The following ELK3 variants were observed in gnomAD, a reference collection of about 807,000 sequenced individuals.
ELK3 encodes ETS transcription factor ELK3, also known as ETS domain-containing protein Elk-3.
In ELK3, 10 loss-of-function variants were observed where a neutral mutation model predicts 28.9. The ratio of observed to expected loss-of-function variants is 0.35; its 90% confidence interval spans 0.21 to 0.59. The LOEUF (loss-of-function observed/expected upper bound fraction) is 0.59. Among genes scored for constraint, ELK3 ranks in the 20% least tolerant of loss-of-function variants. ELK3 has a pLI of 0.82. For missense variants in ELK3, 463 were observed against 517.3 expected (o/e 0.90, Z 1.02); for synonymous variants, 272 against 243.5 (o/e 1.12, Z -1.09).
intron 1 of ELK3, among the ~76,000 whole-genome samples, chr12:96,221,082 A>C (rs1032637100): frequency 6.6e-6 from 1 of 152,128 alleles, no homozygotes; most frequent in Non-Finnish European, 1.5e-5. Flanking sequence ...CTCCTGGCCA[A>C]ATGCAATCAC....
intron 2 of ELK3, among the ~76,000 whole-genome samples, chr12:96,239,610 G>C (rs549006105): frequency 1.3e-5 from 2 of 152,178 alleles, no homozygotes; most frequent in Admixed American, 6.5e-5. Flanking sequence ...CTTTCACGTA[G>C]GGTATCTACC....
At chr12:96,235,013 G>T (rs1395218028) in intron 2 of ELK3, among the ~76,000 whole-genome samples, 3 of 152,154 alleles carry the variant, frequency 2.0e-5, no homozygotes, top group Non-Finnish European at 4.4e-5. Context: ...GATTATCTGA[G>T]TCAGCTGAAA....
At chr12:96,221,202 T>A (rs1360137652) in intron 1 of ELK3, among the ~76,000 whole-genome samples, 1 of 152,188 alleles carries the variant, frequency 6.6e-6, no homozygotes, top group Admixed American at 6.5e-5. Context: ...GCCATATGGG[T>A]TCTCATAAGT....
intron 1 of ELK3, among the ~76,000 whole-genome samples, chr12:96,206,599 T>C (rs78667935): frequency 0.2 from 30,680 of 152,134 alleles, 3,879 homozygotes; most frequent in South Asian, 0.32. Context: ...ACGATTTTCT[T>C]TCACAAGGGA....
chr12:96,215,464 G>A (rs1007648418), intron 1 of ELK3, among the ~76,000 whole-genome samples: 1 of 152,076 alleles, frequency 6.6e-6, no homozygotes, highest in Non-Finnish European at 1.5e-5. Flanking sequence ...AGCTGGGATC[G>A]TGTCATGTGA....
chr12:96,239,667 T>C (rs935200647), intron 2 of ELK3, among the ~76,000 whole-genome samples: 4 of 152,242 alleles, frequency 2.6e-5, no homozygotes, highest in African/African-American at 9.6e-5. Flanking sequence ...CTCGTGTGTC[T>C]GCTCAGCACC....
At chr12:96,264,166 G>A (rs1952013156) in intron 4 of ELK3, among the ~76,000 whole-genome samples, 1 of 152,002 alleles carries the variant, frequency 6.6e-6, no homozygotes, top group African/African-American at 2.4e-5. Flanking sequence ...AAATTTTTTT[G>A]TAGAAACGAG....
intron 1 of ELK3, among the ~76,000 whole-genome samples, chr12:96,218,284 G>T (rs1284563574): frequency 6.6e-6 from 1 of 152,220 alleles, no homozygotes; most frequent in Admixed American, 6.5e-5. Flanking sequence ...AGTATCAGAT[G>T]TGAAGGGGGC....
chr12:96,249,195 C>T (rs1951882863), intron 3 of ELK3, among the ~76,000 whole-genome samples: 1 of 152,216 alleles, frequency 6.6e-6, no homozygotes, highest in African/African-American at 2.4e-5. Flanking sequence ...CAGTGTCTGC[C>T]TCCAGAATCC....
At chr12:96,218,520 C>T (rs970543768) in intron 1 of ELK3, among the ~76,000 whole-genome samples, 20 of 151,784 alleles carry the variant, frequency 1.3e-4, no homozygotes, top group Non-Finnish European at 2.5e-4. Flanking sequence ...GTGCAGTGTT[C>T]GCTATTTGGG....
intron 1 of ELK3, among the ~76,000 whole-genome samples, chr12:96,207,280 A>G (rs369139916): frequency 2.0e-5 from 3 of 152,226 alleles, no homozygotes; most frequent in African/African-American, 7.2e-5. Context: ...CATAACCATC[A>G]TATGCAGCTA....
At chr12:96,230,726 A>G (rs968430026) in intron 2 of ELK3, among the ~76,000 whole-genome samples, 25 of 152,314 alleles carry the variant, frequency 1.6e-4, no homozygotes, top group East Asian at 3.9e-4. Context: ...GGGGGCGCCA[A>G]TCCCGGATTG....
At chr12:96,250,818 A>C (rs1209285420) in intron 3 of ELK3, among the ~76,000 whole-genome samples, 1 of 152,124 alleles carries the variant, frequency 6.6e-6, no homozygotes, top group East Asian at 1.9e-4. Flanking sequence ...GCTTTGGAAG[A>C]GGTGAAAGCT....
chr12:96,267,275 C>A lies in ELK3; in HGVS notation c.*95C>A, dbSNP rs1952041560. 1 of 1,062,018 alleles carries A rather than the reference C, an allele frequency of 9.4e-7. No homozygotes were observed. The highest frequency in any genetic ancestry group is 1.3e-6 in the Non-Finnish European group (1 of 745,416). The allele number at this position is 1,062,018 out of a possible 1,614,324, so 65.8% of individuals were successfully genotyped here. A position where few individuals can be genotyped will look rare whatever the true frequency, so the allele number is the denominator to read the frequency against. On this transcript the variant is annotated 3_prime_UTR_variant, in exon 5 of 5. Coordinates refer to ENST00000228741, the MANE Select transcript of ELK3 (RefSeq NM_005230.4). ...GTGTCGTGAGAAGGACATTGTGAAA[C>A]TCTTGTTAATTTGGTTTGCACTTTT...
chr12:96,250,548 G>A (rs551200472), intron 3 of ELK3, among the ~76,000 whole-genome samples: 1 of 152,214 alleles, frequency 6.6e-6, no homozygotes, highest in Non-Finnish European at 1.5e-5. Flanking sequence ...TGTCTTCCAG[G>A]TGACAGCCAG....
At chr12:96,242,469 T>G (rs1051715449) in intron 2 of ELK3, among the ~76,000 whole-genome samples, 1 of 152,224 alleles carries the variant, frequency 6.6e-6, no homozygotes, top group African/African-American at 2.4e-5. Flanking sequence ...CATACTAGCT[T>G]GTATTATTCC....
Position 96,247,796 on chromosome 12 carries a change from A to G in ELK3, c.1002+62A>G. The G allele has an allele frequency of 1.4e-6, 2 of 1,439,026 alleles. No homozygotes were observed. The highest frequency in any genetic ancestry group is 1.8e-6 in the Non-Finnish European group (2 of 1,094,514). 89.1% of individuals were successfully genotyped at this position (1,439,026 alleles called of 1,614,324 possible). A position where few individuals can be genotyped will look rare whatever the true frequency, so the allele number is the denominator to read the frequency against. The stretch of plus-strand genomic sequence containing the variant: ...TTCAGTGGCTTAGCAAAAAAGGAAG[A>G]GCAACTAAAGAGACTTCCTTCTGTC... On this transcript the variant is annotated intron_variant, in intron 3 of 4. Coordinates refer to ENST00000228741, the MANE Select transcript of ELK3 (RefSeq NM_005230.4). This position sits in a 1 kb window ranked among gnomAD's most constrained non-coding sequence, Gnocchi z 5.5.
At chr12:96,244,792 C>G (rs990701754) in intron 2 of ELK3, among the ~76,000 whole-genome samples, 1 of 152,092 alleles carries the variant, frequency 6.6e-6, no homozygotes, top group Non-Finnish European at 1.5e-5. Context: ...CAATGACACC[C>G]TTATTTAATT....
chr12:96,259,877 TG>T, intron 4 of ELK3, 24 bp downstream of exon 4: 1 of 1,577,462 alleles, frequency 6.3e-7, no homozygotes, highest in East Asian at 2.3e-5. Flanking sequence ...AATGAACTTT[TG>T]AACATTAAGC....
Sources: gnomAD v4.1 joint callset for allele counts (sites outside exome capture counted in the v4.1 genomes callset) on GRCh38, gnomAD v4.1.1 for gene constraint, Gnocchi (gnomAD v3.1) non-coding constraint, MANE v1.5 for transcripts, NCBI Gene and HGNC (gene_info 2026-07-23, HGNC 2026-07-21) for gene names.